The following STX19 variants were observed in gnomAD, a reference collection of about 807,000 sequenced individuals.
STX19 encodes the protein syntaxin-19.
In STX19, 26 loss-of-function variants were observed where a neutral mutation model predicts 24.3. That is an observed-to-expected ratio of 1.07 (90% CI 0.78 to 1.48). The LOEUF (loss-of-function observed/expected upper bound fraction) is 1.48, where lower values mean the gene tolerates loss of function less well. STX19 is among the 40% of genes most tolerant of loss of function. STX19 has a pLI of 0.00. For missense variants in STX19, 367 were observed against 331.9 expected (o/e 1.11, Z -0.82); for synonymous variants, 116 against 106.9 (o/e 1.09, Z -0.52).
chr3:94,020,662 C>T (rs1023404138), intron 1 of STX19, among the ~76,000 whole-genome samples: 8 of 152,072 alleles, frequency 5.3e-5, no homozygotes, highest in Non-Finnish European at 7.4e-5. Flanking sequence ...AAAGTTTATT[C>T]GGAAACATTT....
At chr3:94,026,229 C>G (rs553848634) in intron 1 of STX19, among the ~76,000 whole-genome samples, 1 of 152,226 alleles carries the variant, frequency 6.6e-6, no homozygotes, top group Admixed American at 6.5e-5. Context: ...CCGTGTGAGC[C>G]AGGAGAAAAC....
chr3:94,019,313 C>T (rs2076399698), intron 1 of STX19, among the ~76,000 whole-genome samples: 1 of 152,128 alleles, frequency 6.6e-6, no homozygotes, highest in Admixed American at 6.5e-5. Flanking sequence ...TCTTCTGCCT[C>T]AGCCTCCCGA....
chr3:94,014,482 T>C lies in STX19; in HGVS notation c.788A>G (p.Asn263Ser). Residue 263 changes from asparagine (N) to serine (S), a missense_variant, in exon 2 of 2, where the codon AAT becomes AGT. Coordinates refer to ENST00000315099, the MANE Select transcript of STX19 (RefSeq NM_001001850.3). ...AGCTAGTCCAAATTTCTCTTTAGTA[T>C]TGTTAACATACTCTTTTGTACTATT... is the stretch of plus-strand genomic sequence containing the variant. ...TVNSTKEYVNNTKEKFGLAVK... is the reference protein window; with the variant it reads ...TVNSTKEYVNSTKEKFGLAVK... 2 of 1,609,400 alleles carry C rather than the reference T, an allele frequency of 1.2e-6. No individual in the cohort carries two copies. The highest frequency in any genetic ancestry group is 1.1e-5 in the South Asian group (1 of 89,596).
At chr3:94,024,674 C>G (rs957060302) in intron 1 of STX19, among the ~76,000 whole-genome samples, 2 of 152,194 alleles carry the variant, frequency 1.3e-5, no homozygotes, top group African/African-American at 4.8e-5. Flanking sequence ...CAGCCTCTAC[C>G]TCCCAGGCTC....
rs1172244773 is a variant in STX19, at chr3:94,014,535, C to G, written c.735G>C (p.Glu245Asp). Residue 245 changes from glutamate (E) to aspartate (D), a missense_variant, in exon 2 of 2, where the codon GAG becomes GAC. Glu to Asp is a conservative substitution (Grantham distance 45). Transcript: ENST00000315099. Reference protein sequence around the residue: ...QISLLVEEQGESINNIEMTVN... With the variant: ...QISLLVEEQGDSINNIEMTVN... The stretch of plus-strand genomic sequence containing the variant: ...CTGTCATTTCAATATTGTTGATGCT[C>G]TCTCCTTGTTCCTCTACTAAAAGAG... 6.2e-7 allele frequency: 1 copy of G among 1,612,842 alleles called. No individual in the cohort carries two copies. The highest frequency in any genetic ancestry group is 8.5e-7 in the Non-Finnish European group (1 of 1,179,638).
chr3:94,023,165 A>G (rs2076485545), intron 1 of STX19, among the ~76,000 whole-genome samples: 1 of 152,068 alleles, frequency 6.6e-6, no homozygotes, highest in Admixed American at 6.6e-5. Context: ...TTCATTACTG[A>G]AAATATTTTT....
intron 1 of STX19, among the ~76,000 whole-genome samples, chr3:94,026,165 G>A (rs568862416): frequency 1.3e-5 from 2 of 152,016 alleles, no homozygotes; most frequent in African/African-American, 2.4e-5. Flanking sequence ...GACTACAGGC[G>A]CCCGCCACCA....
intron 1 of STX19, among the ~76,000 whole-genome samples, chr3:94,018,205 A>G (rs945913758): frequency 6.7e-6 from 1 of 148,902 alleles, no homozygotes; most frequent in African/African-American, 2.5e-5. Context: ...GCCCTGATTT[A>G]TATTTTTAAA....
At position 94,014,446 on chromosome 3, in the gene STX19, T is replaced by A; in HGVS notation, c.824A>T (p.Lys275Ile). 6.3e-7 allele frequency: 1 copy of A among 1,596,250 alleles called. No homozygotes were observed. The highest frequency in any genetic ancestry group is 8.5e-7 in the Non-Finnish European group (1 of 1,174,980). ...CAGTACTCTGCAAGGATTTCTTTTT[T>A]TGTATTTTACAGCTAGTCCAAATTT... ...KEKFGLAVKY[K>I]KRNPCRVLCC... Residue 275 changes from lysine to isoleucine, a missense_variant, in exon 2 of 2, where the codon AAA (lysine) becomes ATA (isoleucine). By Grantham distance (102) the Lys-to-Ile change is moderately radical. Transcript: ENST00000315099.
intron 1 of STX19, among the ~76,000 whole-genome samples, chr3:94,027,416 A>G (rs1345971518): frequency 2.0e-5 from 3 of 152,070 alleles, no homozygotes; most frequent in Non-Finnish European, 4.4e-5. Flanking sequence ...TATTGAATTA[A>G]CTTGTATAAC....
At chr3:94,020,312 G>A (rs993479104) in intron 1 of STX19, among the ~76,000 whole-genome samples, 10 of 152,114 alleles carry the variant, frequency 6.6e-5, no homozygotes, top group Non-Finnish European at 1.5e-4. Context: ...AACAAGTATT[G>A]TCATGATCTC....
chr3:94,016,114 TATAG>T (rs1426376480), intron 1 of STX19, among the ~76,000 whole-genome samples: 15 of 152,112 alleles, frequency 9.9e-5, no homozygotes, highest in African/African-American at 3.6e-4. Context: ...TATTTAATGA[TATAG>T]ATATATATGA....
At chr3:94,018,111 C>T (rs974895071) in intron 1 of STX19, among the ~76,000 whole-genome samples, 8 of 152,108 alleles carry the variant, frequency 5.3e-5, no homozygotes, top group African/African-American at 9.6e-5. Flanking sequence ...TTGTCCAGGC[C>T]GGTCTTGAAC....
At chr3:94,024,845 C>T (rs775883634) in intron 1 of STX19, among the ~76,000 whole-genome samples, 10 of 152,110 alleles carry the variant, frequency 6.6e-5, no homozygotes, top group Non-Finnish European at 1.5e-4. Flanking sequence ...ACCTCCGCCT[C>T]CCAAAGTGCT....
At chr3:94,022,054 A>G (rs376231136) in intron 1 of STX19, among the ~76,000 whole-genome samples, 11 of 152,048 alleles carry the variant, frequency 7.2e-5, no homozygotes, top group Admixed American at 4.6e-4. Flanking sequence ...CTCCTTAGCT[A>G]TATGTTGCAT....
At chr3:94,015,527 AAGC>A (rs2076314560) in intron 1 of STX19, among the ~76,000 whole-genome samples, 1 of 152,170 alleles carries the variant, frequency 6.6e-6, no homozygotes, top group Non-Finnish European at 1.5e-5. Context: ...ATAGCTGAGA[AAGC>A]AGTGATGCAG....
rs373067241 is a variant in STX19, at chr3:94,014,880, T to C, written c.390A>G (p.Thr130=). The C allele has an allele frequency of 1.9e-6, 3 of 1,614,006 alleles. No homozygotes were observed. ...CAGCATGCTGAGATTTAAGTATCCTTGTGACCACTGAAGATGGACCATTTT... is the reference window on the plus strand; with the variant it reads ...CAGCATGCTGAGATTTAAGTATCCTCGTGACCACTGAAGATGGACCATTTT... ...EVENGPSSVV[T]RILKSQHAAM... The change falls in exon 2 of 2, where the codon ACA becomes ACG. Residue 130 remains threonine (T), a synonymous_variant. Transcript: ENST00000315099.
At chr3:94,026,864 AAAAG>A (rs1461531374) in intron 1 of STX19, among the ~76,000 whole-genome samples, 1 of 152,180 alleles carries the variant, frequency 6.6e-6, no homozygotes, top group East Asian at 1.9e-4. Flanking sequence ...TGATATTTAA[AAAAG>A]AAAGAACACT....
At chr3:94,019,055 C>A (rs908396330) in intron 1 of STX19, among the ~76,000 whole-genome samples, 3 of 152,286 alleles carry the variant, frequency 2.0e-5, no homozygotes, top group Middle Eastern at 3.4e-3. Flanking sequence ...TGTGAGCCAC[C>A]GCGCCTGGCT....
Sources: allele counts gnomAD v4.1 joint callset (sites outside exome capture counted in the v4.1 genomes callset), GRCh38; gene constraint gnomAD v4.1.1; transcripts MANE v1.5; gene names NCBI Gene and HGNC (gene_info 2026-07-23, HGNC 2026-07-21).